The following CDH18 variants were observed in gnomAD, a reference collection of about 807,000 sequenced individuals.
CDH18 encodes cadherin-18.
A neutral mutation model predicts 67.9 loss-of-function variants in CDH18; 31 were observed. The ratio of observed to expected loss-of-function variants is 0.46; its 90% CI spans 0.34 to 0.62. The LOEUF is 0.62. CDH18 is among the 20% of genes least tolerant of loss of function. CDH18 has a pLI of 0.01. For missense variants in CDH18, 890 were observed against 975.5 expected, an observed-to-expected ratio of 0.91 and a Z score of 1.17; for synonymous variants, 362 against 347.2, an observed-to-expected ratio of 1.04 and a Z score of -0.48.
chr5:20,357,779 G>GCAAT (rs1414604320), intron 1 of CDH18, among the ~76,000 whole-genome samples: 1 of 152,122 alleles, frequency 6.6e-6, no homozygotes, highest in African/African-American at 2.4e-5. Context: ...AGTTGAACCA[G>GCAAT]CAATCCCATT....
chr5:20,245,059 G>C (rs1743274268), intron 2 of CDH18, among the ~76,000 whole-genome samples: 2 of 152,070 alleles, frequency 1.3e-5, no homozygotes, highest in African/African-American at 4.8e-5. Context: ...TAAATCAGAA[G>C]CTAACAGCCA....
At chr5:19,785,368 G>A (rs1000689804) in intron 3 of CDH18, among the ~76,000 whole-genome samples, 2 of 151,568 alleles carry the variant, frequency 1.3e-5, no homozygotes, top group Non-Finnish European at 2.9e-5. Context: ...ATATGCATCT[G>A]TAGGCCAGGC....
chr5:20,460,759 A>G (rs1488302518), intron 1 of CDH18, among the ~76,000 whole-genome samples: 1 of 152,162 alleles, frequency 6.6e-6, no homozygotes, highest in East Asian at 1.9e-4. Context: ...TAAATATGGC[A>G]AAATATTAGT....
At chr5:20,039,822 G>A (rs12652209) in intron 2 of CDH18, among the ~76,000 whole-genome samples, 7,357 of 152,174 alleles carry the variant, frequency 0.048, 235 homozygotes, top group East Asian at 0.14. Context: ...AAAAGCAATG[G>A]CAACAAAAGC....
chr5:20,117,692 T>C (rs1482777846), intron 2 of CDH18, among the ~76,000 whole-genome samples: 5 of 152,180 alleles, frequency 3.3e-5, no homozygotes, highest in Non-Finnish European at 7.4e-5. Flanking sequence ...AGAATTATAA[T>C]ATATGATGCT....
chr5:20,471,625 C>T (rs181640749), intron 1 of CDH18, among the ~76,000 whole-genome samples: 213 of 151,728 alleles, frequency 1.4e-3, no homozygotes, highest in African/African-American at 4.4e-3. Flanking sequence ...TATGGTGAAA[C>T]GCAGTCTCTA....
intron 1 of CDH18, among the ~76,000 whole-genome samples, chr5:20,339,700 C>T (rs1740091945): frequency 1.3e-5 from 2 of 152,092 alleles, no homozygotes; most frequent in African/African-American, 4.8e-5. Context: ...GAATATGGTC[C>T]CATTAAGGTA....
intron 1 of CDH18, among the ~76,000 whole-genome samples, chr5:20,515,360 GT>G (rs1363522447): frequency 1.3e-5 from 2 of 150,306 alleles, no homozygotes; most frequent in East Asian, 3.9e-4. Flanking sequence ...ACTTTTCCCT[GT>G]ACGCTACAAA....
chr5:20,181,531 T>C (rs910281643), intron 2 of CDH18, among the ~76,000 whole-genome samples: 1 of 152,058 alleles, frequency 6.6e-6, no homozygotes, highest in Non-Finnish European at 1.5e-5. Context: ...CCCAAAATAA[T>C]TTCCCAGATG....
At chr5:20,496,982 G>C (rs13174330) in intron 1 of CDH18, among the ~76,000 whole-genome samples, 76,372 of 151,354 alleles carry the variant, frequency 0.5, 19,300 homozygotes, top group East Asian at 0.55. Flanking sequence ...GGGCAAAATT[G>C]TTCAGTGTGG....
chr5:19,931,819 T>C (rs1166043006), intron 2 of CDH18, among the ~76,000 whole-genome samples: 2 of 151,818 alleles, frequency 1.3e-5, no homozygotes, highest in Non-Finnish European at 2.9e-5. Flanking sequence ...CCTATATCCA[T>C]CTCTCCCTGT....
intron 5 of CDH18, among the ~76,000 whole-genome samples, chr5:19,674,473 C>T (rs181711561): frequency 1.6e-3 from 236 of 152,030 alleles, no homozygotes; most frequent in African/African-American, 5.4e-3. Context: ...ATTTTTCCTT[C>T]GGATGGAGGT....
intron 2 of CDH18, among the ~76,000 whole-genome samples, chr5:20,145,041 G>A (rs1432034269): frequency 1.3e-5 from 2 of 152,036 alleles, no homozygotes; most frequent in Non-Finnish European, 2.9e-5. Flanking sequence ...AGAACTGCAA[G>A]ACAACACATT....
intron 2 of CDH18, among the ~76,000 whole-genome samples, chr5:19,932,432 G>C (rs1037159527): frequency 7.3e-5 from 11 of 151,528 alleles, no homozygotes; most frequent in Admixed American, 5.3e-4. Flanking sequence ...TAACATGCTG[G>C]GTTTCTCAAT....
chr5:19,601,160 C>A (rs553773913), intron 6 of CDH18, among the ~76,000 whole-genome samples: 7 of 152,098 alleles, frequency 4.6e-5, no homozygotes, highest in African/African-American at 1.7e-4. Flanking sequence ...TCTTGGTCTG[C>A]AGGAGGTTAC....
chr5:20,201,426 T>C (rs1739435167), intron 2 of CDH18, among the ~76,000 whole-genome samples: 2 of 152,150 alleles, frequency 1.3e-5, no homozygotes, highest in East Asian at 1.9e-4. Flanking sequence ...GTTCAATTAA[T>C]GACATCAGTG....
chr5:19,739,840 A>C (rs1768865863), intron 4 of CDH18, among the ~76,000 whole-genome samples: 1 of 152,182 alleles, frequency 6.6e-6, no homozygotes. Context: ...GTCCAGGGTG[A>C]ACATCCCAAG....
intron 1 of CDH18, among the ~76,000 whole-genome samples, chr5:20,514,959 T>C (rs986433287): frequency 7.2e-5 from 11 of 151,814 alleles, no homozygotes; most frequent in African/African-American, 2.4e-4. Context: ...ACAATCTTCA[T>C]AGATATGACA....
chr5:20,484,042 G>A (rs1752999056), intron 1 of CDH18, among the ~76,000 whole-genome samples: 1 of 150,000 alleles, frequency 6.7e-6, no homozygotes, highest in Admixed American at 6.7e-5. Context: ...TCTGACAAAG[G>A]ATTAATAACA....
Sources: gnomAD v4.1 joint callset for allele counts (sites outside exome capture counted in the v4.1 genomes callset) on GRCh38, gnomAD v4.1.1 for gene constraint, MANE v1.5 for transcripts, NCBI Gene and HGNC (gene_info 2026-07-23, HGNC 2026-07-21) for gene names.